ELMO1: variants seen among roughly 807,000 people sequenced by gnomAD.
The protein encoded by ELMO1 is engulfment and cell motility protein 1.
Under a neutral mutation model 98.9 loss-of-function variants are expected in ELMO1, and 26 were observed. The observed-to-expected ratio is 0.26, with a 90% CI of 0.19 to 0.36. ELMO1 has a LOEUF of 0.36. ELMO1 is among the 10% of genes least tolerant of loss of function. The pLI, the probability that ELMO1 is intolerant of heterozygous loss-of-function variation, is 1.00. For missense variants in ELMO1, 627 were observed against 935.2 expected, an observed-to-expected ratio of 0.67 and a Z score of 4.30; for synonymous variants, 346 against 346.0, an observed-to-expected ratio of 1.00 and a Z score of 0.00.
intron 16 of ELMO1, among the ~76,000 whole-genome samples, chr7:36,995,867 T>C (rs1792175606): frequency 6.6e-6 from 1 of 152,186 alleles, no homozygotes; most frequent in South Asian, 2.1e-4. Context: ...TAATCAATGT[T>C]GGTGAATTTC....
chr7:37,126,621 G>A (rs1043768891), intron 14 of ELMO1, among the ~76,000 whole-genome samples: 5 of 152,104 alleles, frequency 3.3e-5, no homozygotes, highest in African/African-American at 1.2e-4. Flanking sequence ...CCCAGCATAA[G>A]TCACATCTAA....
intron 15 of ELMO1, among the ~76,000 whole-genome samples, chr7:37,030,382 A>C (rs1343182052): frequency 6.6e-6 from 1 of 152,036 alleles, no homozygotes; most frequent in East Asian, 1.9e-4. Context: ...TGACAAATGC[A>C]TTCTGAAACT....
intron 14 of ELMO1, among the ~76,000 whole-genome samples, chr7:37,119,456 G>A (rs1361582745): frequency 6.6e-6 from 1 of 152,156 alleles, no homozygotes; most frequent in Admixed American, 6.5e-5. Context: ...AGGCCTCCCT[G>A]TCCCAACCAT....
At chr7:36,914,706 G>C (rs1180595120) in intron 16 of ELMO1, among the ~76,000 whole-genome samples, 1 of 152,010 alleles carries the variant, frequency 6.6e-6, no homozygotes, top group African/African-American at 2.4e-5. Flanking sequence ...TAGAGACGGG[G>C]TTTCACCATA....
intron 14 of ELMO1, among the ~76,000 whole-genome samples, chr7:37,119,320 T>C (rs1563013753): frequency 6.6e-6 from 1 of 152,196 alleles, no homozygotes; most frequent in South Asian, 2.1e-4. Flanking sequence ...TCTGGGAACA[T>C]TGAAGGGAAA....
intron 16 of ELMO1, among the ~76,000 whole-genome samples, chr7:36,947,404 C>T (rs1428831852): frequency 6.6e-6 from 1 of 152,130 alleles, no homozygotes; most frequent in Admixed American, 6.5e-5. Flanking sequence ...ACCAATAAAT[C>T]ATCCCCAGTT....
rs373821142 is a variant in ELMO1 at position 37,179,703 on chromosome 7, TAGAA to T, written c.1086+31679_1086+31682del. 2.8e-3 allele frequency among the ~76,000 whole-genome samples: 423 copies of T among 152,296 alleles called. 3 individuals carry two copies. The highest frequency in any genetic ancestry group is 9.4e-3 in the African/African-American group (390 of 41,566). On this transcript the variant is annotated intron_variant, in intron 13 of 21. Coordinates refer to ENST00000310758, the MANE Select transcript of ELMO1 (RefSeq NM_014800.11). Reference sequence around the variant, plus strand: ...GGCAAGGCTGGCTACATGGAAACAGTAGAAAGAAAGAATCACTTCCTTGGATCTG... The same window carrying T: ...GGCAAGGCTGGCTACATGGAAACAGTAGAAAGAATCACTTCCTTGGATCTG...
intron 21 of ELMO1, among the ~76,000 whole-genome samples, chr7:36,860,318 A>G (rs1023440571): frequency 6.6e-6 from 1 of 152,200 alleles, no homozygotes; most frequent in Non-Finnish European, 1.5e-5. Context: ...TTGTTGAGGT[A>G]TTCAGTTCTG....
chr7:37,185,138 G>A (rs1330506780), intron 13 of ELMO1, among the ~76,000 whole-genome samples: 1 of 152,150 alleles, frequency 6.6e-6, no homozygotes, highest in Non-Finnish European at 1.5e-5. Context: ...AAATATGATA[G>A]CCTAAATGCA....
intron 16 of ELMO1, among the ~76,000 whole-genome samples, chr7:36,901,448 C>A (rs539819458): frequency 2.0e-5 from 3 of 152,264 alleles, no homozygotes; most frequent in African/African-American, 7.2e-5. Context: ...TCAAGCCTAC[C>A]ATGGCAACTT....
intron 8 of ELMO1, among the ~76,000 whole-genome samples, chr7:37,228,298 C>T (rs1793978060): frequency 6.6e-6 from 1 of 152,216 alleles, no homozygotes; most frequent in African/African-American, 2.4e-5. Flanking sequence ...AGTTTGAAAA[C>T]TATAGATCTT....
At chr7:36,996,613 T>A (rs1172557753) in intron 16 of ELMO1, among the ~76,000 whole-genome samples, 1 of 152,196 alleles carries the variant, frequency 6.6e-6, no homozygotes, top group African/African-American at 2.4e-5. Flanking sequence ...CAAAGATAAT[T>A]GGCTAAAATA....
chr7:37,158,849 G>A (rs1376969445), intron 13 of ELMO1, among the ~76,000 whole-genome samples: 1 of 152,188 alleles, frequency 6.6e-6, no homozygotes, highest in African/African-American at 2.4e-5. Flanking sequence ...AAAGACCCAT[G>A]CACATGTATG....
At chr7:37,154,055 C>T (rs1788554392) in intron 13 of ELMO1, among the ~76,000 whole-genome samples, 1 of 152,150 alleles carries the variant, frequency 6.6e-6, no homozygotes, top group Non-Finnish European at 1.5e-5. Context: ...CCGCAACAGA[C>T]CTGAAGCTGA....
chr7:36,928,427 G>A (rs539591026), intron 16 of ELMO1, among the ~76,000 whole-genome samples: 2 of 152,318 alleles, frequency 1.3e-5, no homozygotes, highest in East Asian at 3.9e-4. Context: ...AGGTGCAGAA[G>A]GCAATTACAA....
At chr7:36,907,062 A>G (rs1784018225) in intron 16 of ELMO1, among the ~76,000 whole-genome samples, 1 of 152,186 alleles carries the variant, frequency 6.6e-6, no homozygotes, top group African/African-American at 2.4e-5. Context: ...ATGACTACTG[A>G]ATTTTAAAAT....
intron 15 of ELMO1, among the ~76,000 whole-genome samples, chr7:37,071,751 C>T (rs71539815): frequency 0.03 from 4,576 of 152,154 alleles, 95 homozygotes; most frequent in Middle Eastern, 0.078. Context: ...AAAATATCAT[C>T]CCCCAGGCTC....
In ELMO1 at chr7:37,053,285, AACACACACACACACACACACACAC is replaced by A. The variant is rs59573752; in HGVS notation, c.1301-39874_1301-39851del. 3.6e-5 allele frequency among the ~76,000 whole-genome samples: 5 copies of A among 138,788 alleles called. No individual in the cohort carries two copies. The Admixed American group carries it at 3.6e-4, about 10-fold the overall frequency. The allele number at this position is 138,788 out of a possible 152,430, so 91.1% of individuals were successfully genotyped here. A position where few individuals can be genotyped will look rare whatever the true frequency, so the allele number is the denominator to read the frequency against. On this transcript the variant is annotated intron_variant, in intron 15 of 21. Transcript: ENST00000310758. Reference sequence around the variant, plus strand: ...TTTGCAGGGCATTTTCATTTGTTAAAACACACACACACACACACACACACACACACACACACACACACACACAGA... The same window carrying A: ...TTTGCAGGGCATTTTCATTTGTTAAAACACACACACACACACACACACAGA...
In ELMO1 at chr7:37,232,965, T is replaced by TA. The variant is rs1026161312; in HGVS notation, c.549+129dup. 9 of 811,928 alleles carry TA rather than the reference T, an allele frequency of 1.1e-5. No individual in the cohort carries two copies. The African/African-American group carries it at 1.2e-4, about 11-fold the overall frequency. 50.3% of individuals were successfully genotyped at this position (811,928 alleles called of 1,614,324 possible). On this transcript the variant is annotated intron_variant, in intron 8 of 21. Coordinates refer to ENST00000310758, the MANE Select transcript of ELMO1 (RefSeq NM_014800.11). Reference sequence around the variant, plus strand: ...CCTGACCCCCACATACATAATATTATAAAAAATCATACCCATCTTTTAATA... The same window carrying TA: ...CCTGACCCCCACATACATAATATTATAAAAAAATCATACCCATCTTTTAATA...
Sources: allele counts gnomAD v4.1 joint callset (sites outside exome capture counted in the v4.1 genomes callset), GRCh38; gene constraint gnomAD v4.1.1; transcripts MANE v1.5; gene names NCBI Gene and HGNC (gene_info 2026-07-23, HGNC 2026-07-21).